The following NDUFA3 variants were observed in gnomAD, a reference collection of about 807,000 sequenced individuals.
The protein encoded by NDUFA3 is NADH dehydrogenase [ubiquinone] 1 alpha subcomplex subunit 3.
Under a neutral mutation model 11.4 loss-of-function variants are expected in NDUFA3, and 10 were observed. The observed-to-expected ratio is 0.87, with a 90% CI of 0.54 to 1.48. NDUFA3 has a LOEUF of 1.48. Ranked by LOEUF, NDUFA3 falls within the 40% of genes most tolerant of loss-of-function variation. The pLI, the probability that NDUFA3 is intolerant of heterozygous loss-of-function variation, is 0.00. For missense variants in NDUFA3, 115 were observed against 110.5 expected, an observed-to-expected ratio of 1.04 and a Z score of -0.18; for synonymous variants, 39 against 46.9, an observed-to-expected ratio of 0.83 and a Z score of 0.68.
chr19:54,105,582 T>G (rs1426745737), intron 2 of NDUFA3: 3 of 492,032 alleles, frequency 6.1e-6, no homozygotes, highest in African/African-American at 5.9e-5. Context: ...TTTGTAACAG[T>G]CTTGATTTCT....
chr19:54,107,190 GGT>G lies in NDUFA3; in HGVS notation c.*291_*292del. 1 of 1,601,840 alleles carries G rather than the reference GGT, an allele frequency of 6.2e-7. No homozygotes were observed. Among genetic ancestry groups the G allele is most frequent in the Non-Finnish European group, 8.5e-7 (1 of 1,175,338 alleles). The stretch of plus-strand genomic sequence containing the variant: ...TTAATCTGCAGGAGATAAGGAACAA[GGT>G]GTTAACAGGCCTGGGAATCTAGAAA... On this transcript the variant is annotated 3_prime_UTR_variant, in exon 4 of 4. Transcript: ENST00000485876.
rs1457253043 is a variant in NDUFA3, at chr19:54,103,147, A to G, written c.44A>G (p.Lys15Arg). The change falls in exon 2 of 4, where the codon AAG (lysine) becomes AGG (arginine). Residue 15 changes from lysine (K) to arginine (R), a missense_variant. Transcript: ENST00000485876. The stretch of plus-strand genomic sequence containing the variant: ...GCCTTCCTCAAGAATGCCTGGGACA[A>G]GGAGCCAGTGCTGGTCGTGTCCTTC... The part of the protein sequence containing the change: ...VGAFLKNAWD[K>R]EPVLVVSFVV... 2.5e-6 allele frequency: 4 copies of G among 1,610,834 alleles called. No individual in the cohort carries two copies. The highest frequency in any genetic ancestry group is 2.2e-5 in the South Asian group (2 of 90,796).
intron 2 of NDUFA3, 51 bp from the exon 3 acceptor site, chr19:54,105,883 C>T (rs2073244125): frequency 3.3e-6 from 5 of 1,503,382 alleles, no homozygotes; most frequent in Middle Eastern, 1.7e-4. Context: ...TTCTCTTCCC[C>T]TCTCTTCAGA....
rs971631411 is a variant in NDUFA3 at position 54,107,331 on chromosome 19, C to T, written c.*429C>T. 6.5e-6 allele frequency: 6 copies of T among 921,888 alleles called. No homozygotes were observed. The highest frequency in any genetic ancestry group is 9.7e-6 in the Non-Finnish European group (6 of 621,102). The allele number at this position is 921,888 out of a possible 1,614,324, so 57.1% of individuals were successfully genotyped here. Reference sequence around the variant, plus strand: ...TGGTGCCATCATAGTTCACTGCAGCCTCTGCCTCCCAGGCTCAAGTGATCC... The same window carrying T: ...TGGTGCCATCATAGTTCACTGCAGCTTCTGCCTCCCAGGCTCAAGTGATCC... On this transcript the variant is annotated 3_prime_UTR_variant, in exon 4 of 4. Coordinates refer to ENST00000485876, the MANE Select transcript of NDUFA3 (RefSeq NM_004542.4).
rs764664717 is a variant in NDUFA3, at chr19:54,102,866, C to A, written c.-13C>A. On this transcript the variant is annotated 5_prime_UTR_variant, in exon 1 of 4. Transcript: ENST00000485876. ...TCCGCGTCCTCGCCGCTGTCGCCGCCGCGGAGACAAAGATGGCTGCGAGTA... is the reference window on the plus strand; with the variant it reads ...TCCGCGTCCTCGCCGCTGTCGCCGCAGCGGAGACAAAGATGGCTGCGAGTA... 4 of 1,609,254 alleles carry A rather than the reference C, an allele frequency of 2.5e-6. No homozygotes were observed. Among genetic ancestry groups the A allele is most frequent in the Middle Eastern group, 1.7e-4 (1 of 5,844 alleles).
At position 54,107,001 on chromosome 19, in the gene NDUFA3, A is replaced by G. The variant is rs2073283682; in HGVS notation, c.*99A>G. Reference sequence around the variant, plus strand: ...CATGTGTGTGATCAGAGGTGGGAACAAGTAGACGGTGGCCGGGGTGAGTGT... The same window carrying G: ...CATGTGTGTGATCAGAGGTGGGAACGAGTAGACGGTGGCCGGGGTGAGTGT... On this transcript the variant is annotated 3_prime_UTR_variant, in exon 4 of 4. Coordinates refer to ENST00000485876, the MANE Select transcript of NDUFA3 (RefSeq NM_004542.4). 1.9e-6 allele frequency: 3 copies of G among 1,606,628 alleles called. No individual in the cohort carries two copies. Among genetic ancestry groups the G allele is most frequent in the South Asian group, 1.1e-5 (1 of 90,750 alleles).
rs796770972 is a variant in NDUFA3, at chr19:54,105,264, C to CTTTTTTTTT, written c.86-657_86-649dup. 1.6e-3 allele frequency among the ~76,000 whole-genome samples: 114 copies of CTTTTTTTTT among 71,260 alleles called. 9 individuals carry two copies. Among genetic ancestry groups the CTTTTTTTTT allele is most frequent in the African/African-American group, 5.7e-3 (95 of 16,568 alleles). 46.7% of individuals were successfully genotyped at this position (71,260 alleles called of 152,430 possible). ...ACCCTTTCTCCTCCAGTTTGTAAGG[C>CTTTTTTTTT]TTTTTTTTTTTTTTTTTTTTTGGTG... is the stretch of plus-strand genomic sequence containing the variant. On this transcript the variant is annotated intron_variant, in intron 2 of 3. Coordinates refer to ENST00000485876, the MANE Select transcript of NDUFA3 (RefSeq NM_004542.4).
chr19:54,103,072 G>A, intron 1 of NDUFA3, 42 bp from the exon 2 acceptor site: 4 of 1,600,858 alleles, frequency 2.5e-6, no homozygotes, highest in South Asian at 2.2e-5. Context: ...GGTCACCGGG[G>A]GCAGCTACTT....
intron 1 of NDUFA3, 97 bp downstream of exon 1, chr19:54,102,985 A>T: frequency 8.4e-6 from 13 of 1,546,748 alleles, no homozygotes; most frequent in Non-Finnish European, 1.1e-5. Flanking sequence ...GGTGGAAGCG[A>T]TGGGGTCCGT....
intron 3 of NDUFA3, chr19:54,106,546 A>G (rs1555786739): frequency 4.5e-6 from 2 of 447,958 alleles, no homozygotes; most frequent in Admixed American, 4.1e-5. Context: ...CTTGGTCTCC[A>G]TCTTCTCAGG....
In NDUFA3 at chr19:54,107,340, C is replaced by G. The variant is rs774417480; in HGVS notation, c.*438C>G. The G allele has an allele frequency of 2.6e-5, 22 of 859,704 alleles. 1 individual carries two copies. The highest frequency in any genetic ancestry group is 3.7e-5 in the Non-Finnish European group (21 of 568,808). The allele number at this position is 859,704 out of a possible 1,614,324, so 53.3% of individuals were successfully genotyped here. ...CATAGTTCACTGCAGCCTCTGCCTC[C>G]CAGGCTCAAGTGATCCTCCCACCTC... is the stretch of plus-strand genomic sequence containing the variant. On this transcript the variant is annotated 3_prime_UTR_variant, in exon 4 of 4. Coordinates refer to ENST00000485876, the MANE Select transcript of NDUFA3 (RefSeq NM_004542.4).
At chr19:54,106,103 T>C (rs1220885984) in intron 3 of NDUFA3, 92 bp downstream of exon 3, 5 of 1,270,758 alleles carry the variant, frequency 3.9e-6, no homozygotes, top group Non-Finnish European at 5.7e-6. Flanking sequence ...CCTAAGCAGT[T>C]ATCAGAGATT....
At position 54,106,910 on chromosome 19, in the gene NDUFA3, C is replaced by T. The variant is rs372127263; in HGVS notation, c.*8C>T. On this transcript the variant is annotated 3_prime_UTR_variant, in exon 4 of 4. Coordinates refer to ENST00000485876, the MANE Select transcript of NDUFA3 (RefSeq NM_004542.4). ...TGGCTGAAGAAACTGTGAGCACCTC[C>T]ACTGACAGAGGCGGCCCCTCCCACG... 21 of 1,610,018 alleles carry T rather than the reference C, an allele frequency of 1.3e-5. No homozygotes were observed. In the African/African-American group the frequency reaches 1.7e-4, roughly 13 times the overall value.
At chr19:54,106,124 G>A (rs2146341118) in intron 3 of NDUFA3, 113 bp downstream of exon 3, 1 of 952,764 alleles carries the variant, frequency 1.0e-6, no homozygotes, top group East Asian at 2.5e-5. Flanking sequence ...CTGCAGTGGT[G>A]CCCGGACCCC....
chr19:54,105,986 C>T lies in NDUFA3; in HGVS notation c.138C>T (p.Asn46=). Residue 46 remains asparagine, a synonymous_variant, in exon 3 of 4, where the codon AAC becomes AAT. Transcript: ENST00000485876. ...SPYFKYSVMI[N]KATPYNYPVP... ...ACTTCAAGTACTCCGTCATGATCAA[C>T]AAGGCCACGCCCTACAACTACCCAG... is the stretch of plus-strand genomic sequence containing the variant. 6.2e-7 allele frequency: 1 copy of T among 1,613,824 alleles called. No homozygotes were observed. The highest frequency in any genetic ancestry group is 8.5e-7 in the Non-Finnish European group (1 of 1,179,774).
chr19:54,103,217 C>T (rs746302749), intron 2 of NDUFA3, 29 bp downstream of exon 2: 7 of 1,567,544 alleles, frequency 4.5e-6, no homozygotes, highest in South Asian at 2.4e-5. Flanking sequence ...CGCAAACTTG[C>T]ATCGTCCACC....
chr19:54,105,109 A>G (rs188183177), intron 2 of NDUFA3, among the ~76,000 whole-genome samples: 374 of 152,176 alleles, frequency 2.5e-3, no homozygotes, highest in Admixed American at 5.0e-3. Context: ...ATATAAAATT[A>G]TATACCTGGC....
chr19:54,105,137 C>T (rs1184393619), intron 2 of NDUFA3, among the ~76,000 whole-genome samples: 1 of 152,112 alleles, frequency 6.6e-6, no homozygotes, highest in Non-Finnish European at 1.5e-5. Context: ...ATCTGTCAGA[C>T]AGCACTGGCC....
At position 54,107,252 on chromosome 19, in the gene NDUFA3, G is replaced by A; in HGVS notation, c.*350G>A. 1.3e-6 allele frequency: 2 copies of A among 1,558,070 alleles called. No homozygotes were observed. The highest frequency in any genetic ancestry group is 1.7e-4 in the Middle Eastern group (1 of 5,770). On this transcript the variant is annotated 3_prime_UTR_variant, in exon 4 of 4. Coordinates refer to ENST00000485876, the MANE Select transcript of NDUFA3 (RefSeq NM_004542.4). ...GCTTCACCATTTTTGTTTTCATTTT[G>A]TTTTGCTTTTTAAAGAGACAGGGTC...
Sources: allele counts gnomAD v4.1 joint callset (sites outside exome capture counted in the v4.1 genomes callset), GRCh38; gene constraint gnomAD v4.1.1; transcripts MANE v1.5; gene names NCBI Gene and HGNC (gene_info 2026-07-23, HGNC 2026-07-21).